The following CFAP97 variants were observed in gnomAD, a reference collection of about 807,000 sequenced individuals.
The protein encoded by CFAP97 is cilia and flagella associated protein 97.
Under a neutral mutation model 43.1 loss-of-function variants are expected in CFAP97, and 36 were observed. The ratio of observed to expected loss-of-function variants is 0.84; its 90% CI spans 0.64 to 1.10. The LOEUF is 1.10. CFAP97 is among the 50% of genes least tolerant of loss of function. The pLI is 0.00. For missense variants in CFAP97, 657 were observed against 620.3 expected (o/e 1.06, Z -0.63); for synonymous variants, 228 against 225.7 (o/e 1.01, Z -0.09).
intron 3 of CFAP97, among the ~76,000 whole-genome samples, chr4:185,174,775 T>C (rs183246269): frequency 2.6e-5 from 4 of 152,214 alleles, no homozygotes; most frequent in African/African-American, 4.8e-5. Flanking sequence ...AAAATAGTTA[T>C]CTACTTCAGA....
At chr4:185,174,034 C>T (rs1359056444) in intron 3 of CFAP97, among the ~76,000 whole-genome samples, 1 of 152,076 alleles carries the variant, frequency 6.6e-6, no homozygotes, top group Non-Finnish European at 1.5e-5. Flanking sequence ...GGATTTGCAC[C>T]TGGGCTCTGA....
At chr4:185,197,996 C>G (rs2111416103) in intron 1 of CFAP97, among the ~76,000 whole-genome samples, 2 of 152,288 alleles carry the variant, frequency 1.3e-5, no homozygotes, top group Middle Eastern at 6.8e-3. Context: ...TCTGAATGGT[C>G]TGGATACACC....
chr4:185,163,972 T>C (rs1026656009), intron 4 of CFAP97, 57 bp downstream of exon 4: 3 of 1,509,552 alleles, frequency 2.0e-6, no homozygotes, highest in Non-Finnish European at 2.7e-6. Context: ...TGTTACGTTT[T>C]TTTAAAAAAA....
intron 4 of CFAP97, among the ~76,000 whole-genome samples, chr4:185,163,608 A>T (rs1338639107): frequency 6.6e-6 from 1 of 151,906 alleles, no homozygotes; most frequent in East Asian, 1.9e-4. Context: ...TTGTTGTGTG[A>T]TCAGCTTGCT....
upstream of CFAP97, among the ~76,000 whole-genome samples, chr4:185,204,908 A>G (rs777738108): frequency 6.6e-6 from 1 of 152,262 alleles, no homozygotes; most frequent in African/African-American, 2.4e-5. Flanking sequence ...TACCTTAAGC[A>G]CTGTAAGACA....
At chr4:185,184,046 A>G (rs1735907531) in intron 2 of CFAP97, among the ~76,000 whole-genome samples, 1 of 152,232 alleles carries the variant, frequency 6.6e-6, no homozygotes, top group African/African-American at 2.4e-5. Context: ...AATGGGTTAG[A>G]CAGGAAGAGT....
At chr4:185,170,223 G>A in intron 3 of CFAP97, 1 of 629,708 alleles carries the variant, frequency 1.6e-6, no homozygotes, top group Non-Finnish European at 2.8e-6. Flanking sequence ...GTGTAAGCCT[G>A]TAGTTCCAGT....
At chr4:185,166,371 G>T (rs1317901165) in intron 3 of CFAP97, among the ~76,000 whole-genome samples, 1 of 152,190 alleles carries the variant, frequency 6.6e-6, no homozygotes. Flanking sequence ...TGCATTTGCT[G>T]TTTTGTCTGA....
intron 2 of CFAP97, among the ~76,000 whole-genome samples, chr4:185,185,867 T>C (rs554065833): frequency 2.7e-4 from 41 of 152,124 alleles, no homozygotes; most frequent in Non-Finnish European, 3.1e-4. Context: ...CTCAAACTCC[T>C]GGGCTCAAGT....
At chr4:185,197,687 A>G (rs531448018) in intron 1 of CFAP97, among the ~76,000 whole-genome samples, 29 of 152,314 alleles carry the variant, frequency 1.9e-4, no homozygotes, top group African/African-American at 6.5e-4. Context: ...TGGCCTCCCA[A>G]AGTGCTGGGA....
chr4:185,196,356 C>T (rs145385058), intron 1 of CFAP97, among the ~76,000 whole-genome samples: 1,730 of 152,132 alleles, frequency 0.011, 21 homozygotes, highest in Middle Eastern at 0.027. Flanking sequence ...TGCCTATAAT[C>T]CCAGCTACTC....
chr4:185,209,688 G>T, upstream of CFAP97: 1 of 961,008 alleles, frequency 1.0e-6, no homozygotes, highest in Non-Finnish European at 1.2e-6. This position sits in a 1 kb window ranked among gnomAD's most constrained non-coding sequence, Gnocchi z 5.2. Context: ...CGCCGAGAGG[G>T]GCCCGGCGGC....
At position 185,162,736 on chromosome 4, in the gene CFAP97, A is replaced by T. The variant is rs1426036244; in HGVS notation, c.*62T>A. 7 of 1,522,082 alleles carry T rather than the reference A, an allele frequency of 4.6e-6. No homozygotes were observed. Among genetic ancestry groups the T allele is most frequent in the African/African-American group, 1.4e-5 (1 of 72,982 alleles). The allele number at this position is 1,522,082 out of a possible 1,614,324, so 94.3% of individuals were successfully genotyped here. A position where few individuals can be genotyped will look rare whatever the true frequency, so the allele number is the denominator to read the frequency against. Reference sequence around the variant, plus strand: ...TCTAGATGTTTACACAGAGAATTATAGGAATATGCACGAGCACTTCAAGAA... The same window carrying T: ...TCTAGATGTTTACACAGAGAATTATTGGAATATGCACGAGCACTTCAAGAA... On this transcript the variant is annotated 3_prime_UTR_variant, in exon 5 of 5. Transcript: ENST00000458385.
rs1734855118 is a variant in CFAP97, at chr4:185,160,957, A to G, written c.*1841T>C. On this transcript the variant is annotated 3_prime_UTR_variant, in exon 5 of 5. Transcript: ENST00000458385. ...ACATATATATATATTTTTTTCTGGAACAACTTAAAAATCAATTTTAAAAAA... is the reference window on the plus strand; with the variant it reads ...ACATATATATATATTTTTTTCTGGAGCAACTTAAAAATCAATTTTAAAAAA... 1 of 149,090 alleles carries G rather than the reference A, an allele frequency of 6.7e-6. No individual in the cohort carries two copies. The highest frequency in any genetic ancestry group is 1.5e-5 in the Non-Finnish European group (1 of 67,314). 9.2% of individuals were successfully genotyped at this position (149,090 alleles called of 1,614,324 possible).
chr4:185,167,320 T>C (rs1282992836), intron 3 of CFAP97, among the ~76,000 whole-genome samples: 1 of 151,846 alleles, frequency 6.6e-6, no homozygotes, highest in African/African-American at 2.4e-5. Context: ...ATACAAAAAT[T>C]AGCCGGGCGT....
chr4:185,194,150 C>T (rs1330222211), intron 1 of CFAP97, among the ~76,000 whole-genome samples: 4 of 152,144 alleles, frequency 2.6e-5, no homozygotes, highest in Admixed American at 2.0e-4. Flanking sequence ...GATTGAGACC[C>T]TATGGCCCAC....
Position 185,164,817 on chromosome 4 carries a change from G to A in CFAP97, c.1321-638C>T, listed in dbSNP as rs574501745. 2.6e-5 allele frequency among the ~76,000 whole-genome samples: 4 copies of A among 152,330 alleles called. No individual in the cohort carries two copies. In the East Asian group the frequency reaches 7.7e-4, roughly 29 times the overall value. On this transcript the variant is annotated intron_variant, in intron 3 of 4. Coordinates refer to ENST00000458385, the MANE Select transcript of CFAP97 (RefSeq NM_020827.3). ...CTAAACCTGATTTTCTCATAGACAT[G>A]ATGTAATAGGAGTTATAATGCTAAG...
chr4:185,188,174 C>T (rs1736085029), intron 2 of CFAP97, among the ~76,000 whole-genome samples: 2 of 151,984 alleles, frequency 1.3e-5, no homozygotes, highest in South Asian at 2.1e-4. Flanking sequence ...GGACTACAGG[C>T]GTGAGCACCG....
At chr4:185,188,306 C>T (rs776001915) in intron 2 of CFAP97, among the ~76,000 whole-genome samples, 4 of 151,320 alleles carry the variant, frequency 2.6e-5, no homozygotes, top group Non-Finnish European at 5.9e-5. Context: ...TAGGTATGTG[C>T]CACCACACCT....
Sources: gnomAD v4.1 joint callset for allele counts (sites outside exome capture counted in the v4.1 genomes callset) on GRCh38, gnomAD v4.1.1 for gene constraint, Gnocchi (gnomAD v3.1) non-coding constraint, MANE v1.5 for transcripts, NCBI Gene and HGNC (gene_info 2026-07-23, HGNC 2026-07-21) for gene names.